Variants in PCDH15 observed in about 807,000 individuals in gnomAD.
PCDH15 encodes the protein protocadherin related 15.
In PCDH15, 129 loss-of-function variants were observed where a neutral mutation model predicts 178.5. The ratio of observed to expected loss-of-function variants is 0.72; its 90% CI spans 0.63 to 0.84. The LOEUF is 0.84. Among genes scored for constraint, PCDH15 ranks in the 40% least tolerant of loss-of-function variants. The probability of loss-of-function intolerance (pLI) is 0.00; values close to 1 mark genes in which losing one functional copy is unlikely to be tolerated. For synonymous variants in PCDH15, 800 were observed against 732.0 expected, an observed-to-expected ratio of 1.09 and a Z score of -1.50; for missense variants, 2,230 against 2,099.9, an observed-to-expected ratio of 1.06 and a Z score of -1.21.
intron 1 of PCDH15, among the ~76,000 whole-genome samples, chr10:54,738,414 G>A (rs555560054): frequency 2.6e-5 from 4 of 152,042 alleles, no homozygotes; most frequent in South Asian, 4.1e-4. Context: ...TTTTATGGTC[G>A]TCAGGGTGGT....
At chr10:54,468,816 T>A (rs995393386) in intron 3 of PCDH15, among the ~76,000 whole-genome samples, 1 of 152,200 alleles carries the variant, frequency 6.6e-6, no homozygotes, top group Non-Finnish European at 1.5e-5. Context: ...TTGTTTTATA[T>A]GTCTGGGTGC....
chr10:54,412,584 A>T (rs4935515), intron 3 of PCDH15, among the ~76,000 whole-genome samples: 1 of 152,162 alleles, frequency 6.6e-6, no homozygotes, highest in Middle Eastern at 3.4e-3. Context: ...CCAGGTTCTA[A>T]CTTCTATTGT....
intron 1 of PCDH15, among the ~76,000 whole-genome samples, chr10:55,217,894 C>T (rs1176245691): frequency 6.6e-6 from 1 of 151,902 alleles, no homozygotes; most frequent in Admixed American, 6.6e-5. Context: ...ACTTGTTAGT[C>T]TAACAGCTTT....
chr10:54,884,013 T>A (rs761779527), intron 3 of PCDH15, among the ~76,000 whole-genome samples: 1 of 152,000 alleles, frequency 6.6e-6, no homozygotes, highest in Non-Finnish European at 1.5e-5. Flanking sequence ...AAATGTAACA[T>A]GGGGAATTTA....
At chr10:53,809,039 C>A in intron 37 of PCDH15, 1 of 1,606,612 alleles carries the variant, frequency 6.2e-7, no homozygotes, top group Non-Finnish European at 8.5e-7. Flanking sequence ...ACTTCCTTGA[C>A]CTCCTCAACC....
At chr10:55,549,429 T>C (rs538734791) in intron 2 of PCDH15, among the ~76,000 whole-genome samples, 6 of 152,120 alleles carry the variant, frequency 3.9e-5, no homozygotes, top group Non-Finnish European at 1.5e-5. Flanking sequence ...ATGCATCAAT[T>C]GAACATCACA....
chr10:54,480,853 A>G (rs1264413171), intron 3 of PCDH15, among the ~76,000 whole-genome samples: 1 of 152,010 alleles, frequency 6.6e-6, no homozygotes, highest in Non-Finnish European at 1.5e-5. Flanking sequence ...TAGAAACATT[A>G]AAAGTATTTG....
intron 3 of PCDH15, among the ~76,000 whole-genome samples, chr10:54,435,624 T>TA (rs2075329127): frequency 6.6e-6 from 1 of 152,044 alleles, no homozygotes; most frequent in Non-Finnish European, 1.5e-5. Flanking sequence ...CAACCTGAGA[T>TA]AAAATAGAAG....
intron 26 of PCDH15, among the ~76,000 whole-genome samples, chr10:53,884,445 G>A (rs2080950717): frequency 6.6e-6 from 1 of 152,130 alleles, no homozygotes; most frequent in Non-Finnish European, 1.5e-5. Flanking sequence ...CACACAGTTG[G>A]TGAGCAGAAC....
intron 3 of PCDH15, among the ~76,000 whole-genome samples, chr10:54,875,955 T>G (rs558677808): frequency 6.6e-6 from 1 of 152,264 alleles, no homozygotes; most frequent in South Asian, 2.1e-4. Context: ...GAACCTTCCA[T>G]TGAAAGAAAT....
intron 2 of PCDH15, among the ~76,000 whole-genome samples, chr10:55,600,260 A>G (rs188662396): frequency 5.9e-5 from 9 of 152,032 alleles, no homozygotes; most frequent in African/African-American, 2.2e-4. Context: ...GCTACCCAGG[A>G]GGATGAGGCA....
intron 1 of PCDH15, among the ~76,000 whole-genome samples, chr10:55,317,820 G>A (rs1055700677): frequency 2.2e-4 from 33 of 152,110 alleles, no homozygotes; most frequent in African/African-American, 7.2e-4. Context: ...ATGGCTGAAC[G>A]CCCAAGGGGT....
chr10:55,087,650 G>A (rs1442691349), intron 2 of PCDH15, among the ~76,000 whole-genome samples: 1 of 152,128 alleles, frequency 6.6e-6, no homozygotes, highest in Non-Finnish European at 1.5e-5. Context: ...ATGGTAAACA[G>A]GTATTGTGGA....
intron 18 of PCDH15, among the ~76,000 whole-genome samples, chr10:54,053,453 C>T (rs1480766732): frequency 6.6e-6 from 1 of 152,108 alleles, no homozygotes; most frequent in East Asian, 1.9e-4. Flanking sequence ...GATAAATAGA[C>T]AACATAAATA....
In PCDH15 at chr10:54,195,896, T is replaced by C. The variant is rs1041444394; in HGVS notation, c.1099-7A>G. The stretch of plus-strand genomic sequence containing the variant: ...GACCATTGTCTTGTTCAGCCTAAAA[T>C]TGAAAAGAAAAGAAAATATTTAGAA... On this transcript the variant is annotated splice_region_variant and splice_polypyrimidine_tract_variant and intron_variant, in intron 10 of 37. Coordinates refer to ENST00000644397, the MANE Select transcript of PCDH15 (RefSeq NM_001384140.1). 5.0e-6 allele frequency: 8 copies of C among 1,611,074 alleles called. No individual in the cohort carries two copies. The highest frequency in any genetic ancestry group is 4.0e-5 in the African/African-American group (3 of 74,746).
chr10:54,494,446 A>G (rs7912610), intron 3 of PCDH15, among the ~76,000 whole-genome samples: 19,290 of 152,100 alleles, frequency 0.13, 1,302 homozygotes, highest in East Asian at 0.27. Context: ...ATTAACTGGA[A>G]CAAAATAGAT....
At chr10:54,494,408 G>A (rs757253874) in intron 3 of PCDH15, among the ~76,000 whole-genome samples, 6 of 152,000 alleles carry the variant, frequency 3.9e-5, no homozygotes, top group Non-Finnish European at 7.4e-5. Context: ...CCTCATAAAT[G>A]ATTGGCTAAA....
intron 26 of PCDH15, among the ~76,000 whole-genome samples, chr10:53,879,496 C>G (rs947715749): frequency 6.6e-6 from 1 of 152,082 alleles, no homozygotes; most frequent in African/African-American, 2.4e-5. Context: ...TTTGAAATAA[C>G]AAGCATGTTA....
At chr10:54,010,982 G>T (rs954153286) in intron 20 of PCDH15, among the ~76,000 whole-genome samples, 1 of 152,070 alleles carries the variant, frequency 6.6e-6, no homozygotes, top group African/African-American at 2.4e-5. Flanking sequence ...GGAGAAGAAA[G>T]AAAGGGCCAA....
Sources: gnomAD v4.1 joint callset for allele counts (sites outside exome capture counted in the v4.1 genomes callset) on GRCh38, gnomAD v4.1.1 for gene constraint, MANE v1.5 for transcripts, NCBI Gene and HGNC (gene_info 2026-07-23, HGNC 2026-07-21) for gene names.